COL26A1: variants seen among roughly 807,000 people sequenced by gnomAD.
COL26A1 encodes the protein collagen alpha-1(XXVI) chain.
COL26A1 carries 41 observed loss-of-function variants against 59.3 expected under a neutral mutation model. That is an observed-to-expected ratio of 0.69 (90% CI 0.54 to 0.90). COL26A1 has a LOEUF of 0.90. COL26A1 is among the 40% of genes least tolerant of loss of function. The probability of loss-of-function intolerance (pLI) is 0.00; values close to 1 mark genes in which losing one functional copy is unlikely to be tolerated. For synonymous variants in COL26A1, 266 were observed against 256.0 expected, an observed-to-expected ratio of 1.04 and a Z score of -0.37; for missense variants, 612 against 602.3, an observed-to-expected ratio of 1.02 and a Z score of -0.17.
chr7:101,458,465 G>A (rs13235611), intron 3 of COL26A1, among the ~76,000 whole-genome samples: 66,485 of 151,468 alleles, frequency 0.44, 15,335 homozygotes, highest in Middle Eastern at 0.54. Flanking sequence ...GTGAAACCTC[G>A]TCTCTACTAA....
At chr7:101,412,361 TG>T (rs1300261700) in intron 1 of COL26A1, among the ~76,000 whole-genome samples, 1 of 151,952 alleles carries the variant, frequency 6.6e-6, no homozygotes, top group African/African-American at 2.4e-5. Context: ...CAATTAAAAG[TG>T]GGGCCGGCAC....
At chr7:101,418,334 C>T (rs780263402) in intron 1 of COL26A1, among the ~76,000 whole-genome samples, 1 of 152,130 alleles carries the variant, frequency 6.6e-6, no homozygotes. Flanking sequence ...AGCCCCGGTC[C>T]TCTTTTGTGT....
chr7:101,406,139 A>C (rs919259745), intron 1 of COL26A1, among the ~76,000 whole-genome samples: 1 of 152,302 alleles, frequency 6.6e-6, no homozygotes, highest in Middle Eastern at 3.4e-3. Context: ...TTTTGCAAAA[A>C]GATTTGGTCA....
At chr7:101,380,690 T>C (rs1791425877) in intron 1 of COL26A1, among the ~76,000 whole-genome samples, 1 of 152,128 alleles carries the variant, frequency 6.6e-6, no homozygotes, top group African/African-American at 2.4e-5. Context: ...TGATCAGTCT[T>C]TGTGACTTTT....
intron 3 of COL26A1, among the ~76,000 whole-genome samples, chr7:101,492,339 C>T (rs1469742224): frequency 1.3e-5 from 2 of 152,068 alleles, no homozygotes; most frequent in African/African-American, 4.8e-5. Context: ...GTGGGCAAAC[C>T]ATGGCCATCA....
intron 1 of COL26A1, among the ~76,000 whole-genome samples, chr7:101,395,556 A>G (rs1791836092): frequency 6.6e-6 from 1 of 152,186 alleles, no homozygotes; most frequent in African/African-American, 2.4e-5. Context: ...AAGCTCTTTA[A>G]TCAGCGGGGC....
intron 1 of COL26A1, among the ~76,000 whole-genome samples, chr7:101,366,591 C>T (rs541586844): frequency 6.8e-6 from 1 of 146,674 alleles, no homozygotes; most frequent in Non-Finnish European, 1.5e-5. Flanking sequence ...GCCTCGACCT[C>T]CTGGGTTCAA....
intron 3 of COL26A1, among the ~76,000 whole-genome samples, chr7:101,531,525 C>T (rs1338357158): frequency 6.6e-6 from 1 of 152,144 alleles, no homozygotes; most frequent in Non-Finnish European, 1.5e-5. Context: ...AGTTCTATTC[C>T]TTAACAAATG....
intron 3 of COL26A1, among the ~76,000 whole-genome samples, chr7:101,489,933 C>T (rs1416668773): frequency 1.5e-4 from 12 of 81,060 alleles, no homozygotes; most frequent in Admixed American, 2.5e-4. Flanking sequence ...CTCTCTCTCT[C>T]TCTTTCTTTC....
rs145513417 is a variant in COL26A1 at position 101,511,606 on chromosome 7, A to G, written c.386-21476A>G. Among the ~76,000 whole-genome samples, 855 of 152,336 alleles carry G rather than the reference A, an allele frequency of 5.6e-3. 11 individuals are homozygous for G. The highest frequency in any genetic ancestry group is 0.018 in the African/African-American group (749 of 41,580). On this transcript the variant is annotated intron_variant, in intron 3 of 12. Coordinates refer to ENST00000313669, the MANE Select transcript of COL26A1 (RefSeq NM_001278563.3). ...GGACAAGAACGTTTCAAGTCCCAGGACATAGGATTGTCCCCTGATCTGGCC... is the reference window on the plus strand; with the variant it reads ...GGACAAGAACGTTTCAAGTCCCAGGGCATAGGATTGTCCCCTGATCTGGCC...
chr7:101,380,768 T>G (rs181037743), intron 1 of COL26A1, among the ~76,000 whole-genome samples: 14 of 152,316 alleles, frequency 9.2e-5, no homozygotes, highest in Admixed American at 9.2e-4. Flanking sequence ...GACCCTTTAC[T>G]TGCCCTTCAG....
At chr7:101,485,314 CA>C (rs1761385537) in intron 3 of COL26A1, among the ~76,000 whole-genome samples, 1 of 152,192 alleles carries the variant, frequency 6.6e-6, no homozygotes, top group Admixed American at 6.5e-5. Flanking sequence ...GGTTCCAGCT[CA>C]CCTGCGTGAG....
chr7:101,386,257 GTTT>G (rs71106515), intron 1 of COL26A1, among the ~76,000 whole-genome samples: 2 of 117,670 alleles, frequency 1.7e-5, no homozygotes, highest in Non-Finnish European at 1.8e-5. Flanking sequence ...GTCCTAGCTT[GTTT>G]TTTTTTTTTT....
At chr7:101,447,417 C>G (rs959381648) in intron 2 of COL26A1, among the ~76,000 whole-genome samples, 2 of 152,224 alleles carry the variant, frequency 1.3e-5, no homozygotes, top group Non-Finnish European at 2.9e-5. Context: ...TCGGCCTACT[C>G]CCAGGAATGA....
chr7:101,425,737 C>T (rs1398892247), intron 2 of COL26A1, among the ~76,000 whole-genome samples: 1 of 150,796 alleles, frequency 6.6e-6, no homozygotes, highest in Non-Finnish European at 1.5e-5. Context: ...TCCTGAACTA[C>T]CTCAAATGAT....
chr7:101,510,027 CTTT>C (rs3073374), intron 3 of COL26A1, among the ~76,000 whole-genome samples: 2 of 122,296 alleles, frequency 1.6e-5, no homozygotes, highest in East Asian at 4.5e-4. Flanking sequence ...CGCGCCCAGT[CTTT>C]TTTTTTTTTT....
In COL26A1 at chr7:101,431,626, T is replaced by A. The variant is rs182206100; in HGVS notation, c.281+11527T>A. The stretch of plus-strand genomic sequence containing the variant: ...TTCCTCTTACTATTTTTCTGAGAGT[T>A]TTTTTTTTAATTATGGGTGTTGAAT... On this transcript the variant is annotated intron_variant, in intron 2 of 12. Transcript: ENST00000313669. Among the ~76,000 whole-genome samples, 43 of 151,410 alleles carry A rather than the reference T, an allele frequency of 2.8e-4. No individual in the cohort carries two copies. In the East Asian group the frequency reaches 7.6e-3, roughly 27 times the overall value.
chr7:101,494,678 G>A (rs1010586376), intron 3 of COL26A1, among the ~76,000 whole-genome samples: 8 of 152,224 alleles, frequency 5.3e-5, no homozygotes, highest in Non-Finnish European at 1.2e-4. Flanking sequence ...AATCATGCAG[G>A]TTTGGTGAAT....
intron 4 of COL26A1, 84 bp downstream of exon 4, chr7:101,533,227 G>A (rs1486673802): frequency 2.0e-6 from 2 of 990,376 alleles, no homozygotes; most frequent in Non-Finnish European, 3.1e-6. Flanking sequence ...ACCACTGGGT[G>A]TGGCCGTGGA....
Sources: allele counts gnomAD v4.1 joint callset (sites outside exome capture counted in the v4.1 genomes callset), GRCh38; gene constraint gnomAD v4.1.1; transcripts MANE v1.5; gene names NCBI Gene and HGNC (gene_info 2026-07-23, HGNC 2026-07-21).